The following CHRNA5 variants were observed in gnomAD, a reference collection of about 807,000 sequenced individuals.
The protein encoded by CHRNA5 is cholinergic receptor nicotinic alpha 5 subunit.
In CHRNA5, 28 loss-of-function variants were observed where a neutral mutation model predicts 41.2. The observed-to-expected ratio is 0.68, with a 90% CI of 0.50 to 0.93. The LOEUF is 0.93. Among genes scored for constraint, CHRNA5 ranks in the 40% least tolerant of loss-of-function variants. The probability of loss-of-function intolerance (pLI) is 0.00; values close to 1 mark genes in which losing one functional copy is unlikely to be tolerated. For missense variants in CHRNA5, 481 were observed against 581.9 expected (o/e 0.83, Z 1.78); for synonymous variants, 188 against 205.8 (o/e 0.91, Z 0.74).
At position 78,576,502 on chromosome 15, in the gene CHRNA5, A is replaced by G. The variant is rs570792443; in HGVS notation, c.107-4309A>G. ...AGAAAAATTAAAATGTAATAATGTA[A>G]TAAGTAAGGCCGGGCGTGGTGGATC... On this transcript the variant is annotated intron_variant, in intron 1 of 5. Coordinates refer to ENST00000299565, the Ensembl canonical transcript of CHRNA5. Among the ~76,000 whole-genome samples, 3 of 152,310 alleles carry G rather than the reference A, an allele frequency of 2.0e-5. No homozygotes were observed. In the East Asian group the frequency reaches 5.8e-4, roughly 29 times the overall value.
At position 78,573,268 on chromosome 15, in the gene CHRNA5, T is replaced by C. The variant is rs578113881; in HGVS notation, c.106+7443T>C. On this transcript the variant is annotated intron_variant, in intron 1 of 5. Transcript: ENST00000299565. The stretch of plus-strand genomic sequence containing the variant: ...AGCCCAAAATGTCCGTAGTGCCAAG[T>C]TGAGAAATCCTGTGTTAGACTCCAG... Among the ~76,000 whole-genome samples the C allele has an allele frequency of 5.3e-5, 8 of 152,328 alleles. No homozygotes were observed. In the East Asian group the frequency reaches 1.5e-3, roughly 29 times the overall value.
chr15:78,584,635 C>T (rs1015374316), intron 2 of CHRNA5, among the ~76,000 whole-genome samples: 2 of 152,156 alleles, frequency 1.3e-5, no homozygotes, highest in African/African-American at 4.8e-5. Context: ...TGACTGGGAG[C>T]CCAATTTATG....
chr15:78,571,431 C>T (rs999497505), intron 1 of CHRNA5, among the ~76,000 whole-genome samples: 1 of 152,154 alleles, frequency 6.6e-6, no homozygotes, highest in African/African-American at 2.4e-5. Flanking sequence ...CAAGGTCATA[C>T]AGGCAACCTC....
chr15:78,565,669 C>T (rs2052739463), exon 1 of CHRNA5: 3 of 670,692 alleles, frequency 4.5e-6, no homozygotes, highest in Non-Finnish European at 5.9e-6. Flanking sequence ...TCGCGTTCCC[C>T]GCGCGGCGGT....
intron 1 of CHRNA5, among the ~76,000 whole-genome samples, chr15:78,574,924 G>T (rs1007527264): frequency 6.8e-6 from 1 of 148,108 alleles, no homozygotes; most frequent in African/African-American, 2.5e-5. Context: ...AGTGAGCCAA[G>T]ATCGTGCCAC....
At chr15:78,575,687 G>A (rs761351366) in intron 1 of CHRNA5, among the ~76,000 whole-genome samples, 1 of 151,886 alleles carries the variant, frequency 6.6e-6, no homozygotes, top group Non-Finnish European at 1.5e-5. Context: ...GAATAAGAAC[G>A]ACCCTGTGCT....
At chr15:78,582,927 T>C (rs981258311) in intron 2 of CHRNA5, among the ~76,000 whole-genome samples, 2 of 152,218 alleles carry the variant, frequency 1.3e-5, no homozygotes, top group African/African-American at 4.8e-5. Flanking sequence ...GGGAGAATTT[T>C]CCTACTGGCA....
At chr15:78,580,984 TAGTCA>T (rs1567057573) in intron 2 of CHRNA5, 22 bp downstream of exon 2, 1 of 1,605,026 alleles carries the variant, frequency 6.2e-7, no homozygotes, top group Non-Finnish European at 8.5e-7. Flanking sequence ...TATCCTTCTA[TAGTCA>T]ATTTCCCACA....
chr15:78,583,849 G>A (rs1395579292), intron 2 of CHRNA5, among the ~76,000 whole-genome samples: 2 of 152,172 alleles, frequency 1.3e-5, no homozygotes, highest in African/African-American at 4.8e-5. Context: ...ATGAGAACAA[G>A]GATGTCCATC....
At chr15:78,590,357 T>C in exon 5 of CHRNA5, 1 of 1,614,184 alleles carries the variant, frequency 6.2e-7, no homozygotes, top group Non-Finnish European at 8.5e-7. Context: ...TTACCATGAT[T>C]TTTGTGACAC....
At chr15:78,577,254 G>A (rs1194838340) in intron 1 of CHRNA5, among the ~76,000 whole-genome samples, 1 of 152,162 alleles carries the variant, frequency 6.6e-6, no homozygotes, top group Non-Finnish European at 1.5e-5. Flanking sequence ...CGTATATCCT[G>A]ATTTGTAAAA....
intron 1 of CHRNA5, among the ~76,000 whole-genome samples, chr15:78,569,335 A>G (rs1428516484): frequency 6.6e-6 from 1 of 152,068 alleles, no homozygotes; most frequent in African/African-American, 2.4e-5. Context: ...TTCTAATAGC[A>G]TTATTTTTCT....
chr15:78,566,068 C>T (rs1350587082), intron 1 of CHRNA5, among the ~76,000 whole-genome samples: 2 of 152,096 alleles, frequency 1.3e-5, no homozygotes, highest in East Asian at 3.9e-4. Flanking sequence ...CTGGAGACTA[C>T]GAGGCTGGCT....
chr15:78,566,023 G>A (rs1222154416), intron 1 of CHRNA5, among the ~76,000 whole-genome samples, 198 bp downstream of exon 1: 5 of 152,184 alleles, frequency 3.3e-5, no homozygotes, highest in Admixed American at 3.3e-4. Context: ...GGGCTACTTG[G>A]GTGGGTTTTC....
intron 1 of CHRNA5, among the ~76,000 whole-genome samples, chr15:78,573,963 ATTTTT>A (rs979485573): frequency 2.1e-4 from 21 of 102,068 alleles, no homozygotes; most frequent in East Asian, 8.2e-4. Flanking sequence ...CGCCTGGCTA[ATTTTT>A]TTTTTTTTTT....
rs1478030932 is a variant in CHRNA5 at position 78,588,858 on chromosome 15, G to T, written c.413+435G>T. 6.6e-6 allele frequency among the ~76,000 whole-genome samples: 1 copy of T among 150,992 alleles called. No individual in the cohort carries two copies. Among genetic ancestry groups the T allele is most frequent in the African/African-American group, 2.4e-5 (1 of 40,982 alleles). On this transcript the variant is annotated intron_variant, in intron 4 of 5. Transcript: ENST00000299565. The surrounding 1 kb of genome is among the most constrained non-coding windows in gnomAD (Gnocchi z 4.1). ...GTTAATTATCAATTCATCTTTAGAG[G>T]CATCCTACCTAGGTGTGTTTTGAGG...
chr15:78,571,580 T>C (rs1245229725), intron 1 of CHRNA5, among the ~76,000 whole-genome samples: 2 of 24,950 alleles, frequency 8.0e-5, no homozygotes, highest in East Asian at 1.0e-3. Context: ...TGCTCTGCCT[T>C]TTTTTTTTTT....
chr15:78,582,222 A>T (rs1211673976), intron 2 of CHRNA5, among the ~76,000 whole-genome samples: 1 of 152,128 alleles, frequency 6.6e-6, no homozygotes, highest in East Asian at 1.9e-4. Flanking sequence ...GTGGTGGTTC[A>T]TGCCTGTTAT....
intron 1 of CHRNA5, among the ~76,000 whole-genome samples, chr15:78,572,908 G>A (rs190822042): frequency 1.3e-5 from 2 of 152,314 alleles, no homozygotes; most frequent in Admixed American, 1.3e-4. Flanking sequence ...TGGAAGGAAG[G>A]CGAAGGAGAG....
Sources: allele counts gnomAD v4.1 joint callset (sites outside exome capture counted in the v4.1 genomes callset), GRCh38; gene constraint gnomAD v4.1.1; non-coding constraint Gnocchi (gnomAD v3.1); transcripts MANE v1.5; gene names NCBI Gene and HGNC (gene_info 2026-07-23, HGNC 2026-07-21).